NTRK3: variants seen among roughly 807,000 people sequenced by gnomAD.
The protein encoded by NTRK3 is neurotrophic receptor tyrosine kinase 3.
A neutral mutation model predicts 91.7 loss-of-function variants in NTRK3; 24 were observed. The ratio of observed to expected loss-of-function variants is 0.26; its 90% confidence interval spans 0.19 to 0.37. The LOEUF (loss-of-function observed/expected upper bound fraction) is 0.37, where lower values mean the gene tolerates loss of function less well. NTRK3 is among the 10% of genes least tolerant of loss of function. The pLI, the probability that NTRK3 is intolerant of heterozygous loss-of-function variation, is 1.00. For missense variants in NTRK3, 880 were observed against 1,068.9 expected, an observed-to-expected ratio of 0.82 and a Z score of 2.46; for synonymous variants, 483 against 404.0, an observed-to-expected ratio of 1.20 and a Z score of -2.34.
intron 14 of NTRK3, among the ~76,000 whole-genome samples, chr15:88,029,867 T>C (rs1259272105): frequency 6.6e-6 from 1 of 152,254 alleles, no homozygotes; most frequent in Non-Finnish European, 1.5e-5. Flanking sequence ...GACCTGCTGC[T>C]GGCTCAGCCA....
rs1313774198 is a variant in NTRK3 at position 88,243,740 on chromosome 15, C to CA, written c.248+12165dup. On this transcript the variant is annotated intron_variant, in intron 3 of 18. Transcript: ENST00000394480. The surrounding 1 kb of genome is among the most constrained non-coding windows in gnomAD (Gnocchi z 4.8). ...CCAGATAGACTGTATGAAAGCATGT[C>CA]AAAAAGAGTGGTGCCCCAGGAAAAC... 5.9e-5 allele frequency among the ~76,000 whole-genome samples: 9 copies of CA among 152,284 alleles called. No homozygotes were observed. The East Asian group carries it at 1.7e-3, about 29-fold the overall frequency.
At chr15:87,988,750 A>G (rs2075050483) in intron 14 of NTRK3, among the ~76,000 whole-genome samples, 1 of 152,112 alleles carries the variant, frequency 6.6e-6, no homozygotes, top group Admixed American at 6.6e-5. Context: ...TTGATGTTCT[A>G]TGTAGGGTGA....
At chr15:87,881,319 T>C (rs939089349) in intron 17 of NTRK3, among the ~76,000 whole-genome samples, 10 of 152,238 alleles carry the variant, frequency 6.6e-5, no homozygotes, top group African/African-American at 2.4e-4. Context: ...ATGGAACTCA[T>C]TGTTAAAAAA....
exon 19 of NTRK3, chr15:87,872,616 T>C (rs2064851734): frequency 4.3e-6 from 1 of 231,630 alleles, no homozygotes; most frequent in African/African-American, 2.2e-5. Context: ...CGCAGGCAAG[T>C]GGCTAGGCCA....
intron 18 of NTRK3, among the ~76,000 whole-genome samples, chr15:87,877,419 T>C (rs1030289591): frequency 3.9e-5 from 6 of 152,148 alleles, no homozygotes; most frequent in African/African-American, 1.2e-4. Context: ...CTCACTTTTC[T>C]TCTCTAGTCC....
At chr15:88,172,554 T>C (rs2045616597) in intron 5 of NTRK3, among the ~76,000 whole-genome samples, 1 of 152,238 alleles carries the variant, frequency 6.6e-6, no homozygotes, top group Non-Finnish European at 1.5e-5. Flanking sequence ...GACAGGGTTA[T>C]AAGAAAATTC....
intron 7 of NTRK3, among the ~76,000 whole-genome samples, chr15:88,137,067 T>C (rs189031769): frequency 2.0e-5 from 3 of 152,230 alleles, no homozygotes; most frequent in African/African-American, 7.2e-5. Context: ...GCTGCTGCCA[T>C]AGGGAATCCA....
At chr15:87,949,802 T>C (rs1486508321) in intron 14 of NTRK3, among the ~76,000 whole-genome samples, 1 of 152,148 alleles carries the variant, frequency 6.6e-6, no homozygotes, top group Non-Finnish European at 1.5e-5. Flanking sequence ...AAGCAGTGAC[T>C]GCTTGAGCCA....
chr15:87,900,196 G>A (rs185311184), intron 17 of NTRK3, among the ~76,000 whole-genome samples: 9 of 152,270 alleles, frequency 5.9e-5, no homozygotes, highest in Admixed American at 5.9e-4. Flanking sequence ...AGCACTCTGG[G>A]AACTGCAAGG....
At chr15:88,196,291 A>C (rs1047527909) in intron 3 of NTRK3, among the ~76,000 whole-genome samples, 7 of 152,192 alleles carry the variant, frequency 4.6e-5, no homozygotes, top group African/African-American at 7.2e-5. Context: ...CAAGGTAAGC[A>C]TCAGAAAGAC....
At chr15:88,033,197 T>A in intron 13 of NTRK3, 152 bp from the exon 14 acceptor site, 2 of 159,872 alleles carry the variant, frequency 1.3e-5, no homozygotes, top group Non-Finnish European at 2.4e-5. Context: ...TATATATATA[T>A]ATATATATAT....
At chr15:88,006,896 G>A (rs2076532944) in intron 14 of NTRK3, among the ~76,000 whole-genome samples, 1 of 152,128 alleles carries the variant, frequency 6.6e-6, no homozygotes, top group South Asian at 2.1e-4. Context: ...ATAACCCCAC[G>A]AGTAATTTTA....
At chr15:87,860,715 T>G (rs2141368077) in exon 19 of NTRK3, 1 of 209,856 alleles carries the variant, frequency 4.8e-6, no homozygotes, top group African/African-American at 2.3e-5. Context: ...TACTAAAACC[T>G]CAGTCACTTA....
At chr15:88,099,519 T>C (rs534515939) in intron 13 of NTRK3, among the ~76,000 whole-genome samples, 2 of 152,330 alleles carry the variant, frequency 1.3e-5, no homozygotes, top group African/African-American at 2.4e-5. Flanking sequence ...TGGCCAGGTA[T>C]TCCCTGAAAC....
At chr15:88,213,612 G>T (rs1292045155) in intron 3 of NTRK3, among the ~76,000 whole-genome samples, 2 of 152,020 alleles carry the variant, frequency 1.3e-5, no homozygotes, top group South Asian at 4.2e-4. Context: ...TCACAAACAC[G>T]CAGTGTTTTC....
chr15:88,040,873 A>G (rs1596911468), intron 13 of NTRK3, among the ~76,000 whole-genome samples: 1 of 152,308 alleles, frequency 6.6e-6, no homozygotes, highest in East Asian at 1.9e-4. Context: ...ATCTCATTTG[A>G]TCCTCAACAA....
At chr15:87,950,063 G>A (rs1329928253) in intron 14 of NTRK3, among the ~76,000 whole-genome samples, 1 of 152,126 alleles carries the variant, frequency 6.6e-6, no homozygotes, top group Admixed American at 6.5e-5. Flanking sequence ...TGCTGCCTTG[G>A]CCTCTCATTC....
At chr15:87,892,898 T>C (rs1273654048) in intron 17 of NTRK3, among the ~76,000 whole-genome samples, 5 of 152,192 alleles carry the variant, frequency 3.3e-5, no homozygotes, top group Admixed American at 1.3e-4. Context: ...CTTGTTCATG[T>C]GTTTAATAGA....
chr15:87,859,906 T>C (rs1338462358), exon 19 of NTRK3: 2 of 184,522 alleles, frequency 1.1e-5, no homozygotes, highest in African/African-American at 4.7e-5. Flanking sequence ...CCAAGGAGTA[T>C]TTACAACTCT....
Sources: allele counts gnomAD v4.1 joint callset (sites outside exome capture counted in the v4.1 genomes callset), GRCh38; gene constraint gnomAD v4.1.1; non-coding constraint Gnocchi (gnomAD v3.1); transcripts MANE v1.5; gene names NCBI Gene and HGNC (gene_info 2026-07-23, HGNC 2026-07-21).